The following EXOSC10 variants were observed in gnomAD, a reference collection of about 807,000 sequenced individuals.
EXOSC10 encodes exosome complex component 10.
EXOSC10 carries 94 observed loss-of-function variants against 126.6 expected under a neutral mutation model. The ratio of observed to expected loss-of-function variants is 0.74; its 90% CI spans 0.63 to 0.88. EXOSC10 has a LOEUF of 0.88. EXOSC10 is among the 40% of genes least tolerant of loss of function. The pLI is 0.00. For synonymous variants in EXOSC10, 395 were observed against 400.8 expected (o/e 0.99, Z 0.17); for missense variants, 1,041 against 1,100.5 (o/e 0.95, Z 0.77).
chr1:11,079,865 G>T, intron 13 of EXOSC10, 43 bp from the exon 14 acceptor site: 1 of 1,494,698 alleles, frequency 6.7e-7, no homozygotes, highest in Non-Finnish European at 9.2e-7. Context: ...ACTCAGAAAC[G>T]CAGCCCTTAA....
Position 11,069,662 on chromosome 1 carries a change from C to T in EXOSC10, c.2385G>A (p.Glu795=). ...TCTTGGAAATTTTGAGTCGTTTCTT[C>T]TCTTGTTTCTGTTCTGTGGTCCTTG... is the stretch of plus-strand genomic sequence containing the variant. ...SDPRTTEQKQ[E]KKRLKISKKP... is the part of the protein sequence containing the mutation. The change falls in exon 22 of 25, where the codon GAG becomes GAA. Residue 795 remains glutamate, a synonymous_variant. Coordinates refer to ENST00000376936, the MANE Select transcript of EXOSC10 (RefSeq NM_001001998.3). 6.2e-7 allele frequency: 1 copy of T among 1,604,638 alleles called. No homozygotes were observed. The highest frequency in any genetic ancestry group is 2.3e-5 in the East Asian group (1 of 44,220).
At chr1:11,068,385 G>A (rs569040191) in intron 23 of EXOSC10, 72 of 591,062 alleles carry the variant, frequency 1.2e-4, no homozygotes, top group Non-Finnish European at 6.0e-5. Flanking sequence ...CCCCAAAGGG[G>A]GTGCTTTTGG....
intron 10 of EXOSC10, among the ~76,000 whole-genome samples, 200 bp from the exon 11 acceptor site, chr1:11,081,438 G>A (rs1640162072): frequency 1.3e-5 from 2 of 152,208 alleles, no homozygotes; most frequent in Non-Finnish European, 1.5e-5. Context: ...ATTGGAGGCA[G>A]GGTAATGCGG....
In EXOSC10 at chr1:11,098,125, T is replaced by G. The variant is rs777186196; in HGVS notation, c.143A>C (p.Lys48Thr). ...FALGSVVAVT[K>T]ASGGLPQFGD... ...AAACTGTGGTAGGCCCCCAGATGCCTTGGTGACTGCCACCACGGACCCAAG... is the reference window on the plus strand; with the variant it reads ...AAACTGTGGTAGGCCCCCAGATGCCGTGGTGACTGCCACCACGGACCCAAG... Residue 48 changes from lysine to threonine, a missense_variant, in exon 2 of 25, where the codon AAG becomes ACG. Lys to Thr is a moderately conservative substitution (Grantham distance 78). Coordinates refer to ENST00000376936, the MANE Select transcript of EXOSC10 (RefSeq NM_001001998.3). 1 of 1,611,560 alleles carries G rather than the reference T, an allele frequency of 6.2e-7. No individual in the cohort carries two copies. Among genetic ancestry groups the G allele is most frequent in the Non-Finnish European group, 8.5e-7 (1 of 1,179,328 alleles).
intron 20 of EXOSC10, 87 bp downstream of exon 20, chr1:11,072,000 T>TCGC (rs1639525603): frequency 9.3e-7 from 1 of 1,080,446 alleles, no homozygotes; most frequent in African/African-American, 1.6e-5. Context: ...GCTTCATTCA[T>TCGC]CGCCGTATCT....
chr1:11,073,896 A>AG, intron 19 of EXOSC10, 38 bp downstream of exon 19: 1 of 1,399,688 alleles, frequency 7.1e-7, no homozygotes, highest in South Asian at 1.3e-5. Flanking sequence ...AAAAAAAAAA[A>AG]AAAAGTCTCT....
Position 11,095,900 on chromosome 1 carries a change from A to G in EXOSC10, c.249-19T>C, listed in dbSNP as rs1467267674. 1.9e-6 allele frequency: 3 copies of G among 1,606,898 alleles called. No individual in the cohort carries two copies. On this transcript the variant is annotated intron_variant, in intron 2 of 24. Transcript: ENST00000376936. ...GCTCATGCTAAGGAAAGGAAAACCA[A>G]GGTTAGCTTGTAGATTTTTATTTCA...
intron 21 of EXOSC10, 138 bp downstream of exon 21, chr1:11,070,762 C>A (rs1246471920): frequency 1.2e-5 from 9 of 722,048 alleles, no homozygotes; most frequent in Non-Finnish European, 1.4e-5. Context: ...ACACTAATAG[C>A]CAAGCTAAGG....
intron 20 of EXOSC10, chr1:11,071,439 GCT>G (rs1639483484): frequency 1.2e-5 from 2 of 172,030 alleles, no homozygotes; most frequent in Admixed American, 1.1e-4. Context: ...ACAGATCAAG[GCT>G]CTGACAGCTT....
chr1:11,077,024 T>C (rs1639856963), intron 16 of EXOSC10, 76 bp from the exon 17 acceptor site: 1 of 1,111,058 alleles, frequency 9.0e-7, no homozygotes, highest in South Asian at 1.3e-5. Flanking sequence ...GGAGTTTTAG[T>C]GTAGTCCCCT....
chr1:11,085,290 CTCTTT>C (rs1028164879), intron 9 of EXOSC10, among the ~76,000 whole-genome samples: 1 of 152,010 alleles, frequency 6.6e-6, no homozygotes, highest in South Asian at 2.1e-4. Flanking sequence ...TGTTTGTATC[CTCTTT>C]TATTTCATTG....
At chr1:11,091,297 A>AAT in intron 4 of EXOSC10, 118 bp from the exon 5 acceptor site, 1 of 1,077,338 alleles carries the variant, frequency 9.3e-7, no homozygotes, top group Non-Finnish European at 1.4e-6. Flanking sequence ...CATTCATTTA[A>AAT]GAATGTATGT....
intron 2 of EXOSC10, among the ~76,000 whole-genome samples, chr1:11,097,189 G>A (rs887568948): frequency 1.1e-4 from 16 of 150,824 alleles, no homozygotes; most frequent in African/African-American, 3.2e-4. Flanking sequence ...CAGCCTGGGC[G>A]ACAGAGCAAG....
In EXOSC10 at chr1:11,087,859, C is replaced by A. The variant is rs749336149; in HGVS notation, c.886G>T (p.Glu296Ter). The A allele has an allele frequency of 6.2e-7, 1 of 1,613,934 alleles. No homozygotes were observed. The highest frequency in any genetic ancestry group is 1.7e-5 in the Admixed American group (1 of 59,990). Reference protein sequence around the residue: ...TPCHFISSLDELVELNEKLLN... With the variant: ...TPCHFISSLD ...AGCTTTTCGTTGAGTTCCACGAGTT[C>A]ATCCAGGGAGGATATGAAATGGCAT... Residue 296 changes from glutamate to a stop codon, truncating the protein, a stop_gained, in exon 8 of 25, where the codon GAA (glutamate) becomes TAA (stop). Coordinates refer to ENST00000376936, the MANE Select transcript of EXOSC10 (RefSeq NM_001001998.3). LOFTEE classifies it high-confidence loss of function.
chr1:11,097,688 C>T (rs879593992), intron 2 of EXOSC10, among the ~76,000 whole-genome samples: 3 of 150,640 alleles, frequency 2.0e-5, no homozygotes, highest in Admixed American at 6.6e-5. Flanking sequence ...ATCATGCCAC[C>T]GCACTCCAGC....
chr1:11,070,884 A>G lies in EXOSC10; in HGVS notation c.2316+16T>C, dbSNP rs1252131149. The G allele has an allele frequency of 6.2e-7, 1 of 1,610,440 alleles. No homozygotes were observed. The highest frequency in any genetic ancestry group is 1.7e-5 in the Admixed American group (1 of 59,210). On this transcript the variant is annotated intron_variant, in intron 21 of 24. Coordinates refer to ENST00000376936, the MANE Select transcript of EXOSC10 (RefSeq NM_001001998.3). ...CATCGTTTTTCAAAGGAAAAAGGAG[A>G]AAAGCTGGCACATACCACGACCTGC...
At chr1:11,099,595 G>A in intron 1 of EXOSC10, 126 bp downstream of exon 1, 1 of 1,058,238 alleles carries the variant, frequency 9.4e-7, no homozygotes. Flanking sequence ...GCCCAGCGCG[G>A]ACAGGGGCCC....
intron 10 of EXOSC10, chr1:11,082,441 C>A: frequency 1.2e-6 from 1 of 860,198 alleles, no homozygotes; most frequent in Non-Finnish European, 1.6e-6. Flanking sequence ...AATACTGGTG[C>A]GGCACCTCTT....
rs763871842 is a variant in EXOSC10 at position 11,080,563 on chromosome 1, A to AAAAAAC, written c.1587-15_1587-14insGTTTTT. ...GGCAGTACATATCTGGAAAAAAAAA[A>AAAAAAC]ACACACACACACACACACACACACA... is the stretch of plus-strand genomic sequence containing the variant. On this transcript the variant is annotated splice_polypyrimidine_tract_variant and intron_variant, in intron 12 of 24. Coordinates refer to ENST00000376936, the MANE Select transcript of EXOSC10 (RefSeq NM_001001998.3). 9 of 1,423,634 alleles carry AAAAAAC rather than the reference A, an allele frequency of 6.3e-6. No individual in the cohort carries two copies. In the East Asian group the frequency reaches 1.2e-4, roughly 19 times the overall value. The allele number at this position is 1,423,634 out of a possible 1,614,324, so 88.2% of individuals were successfully genotyped here. A position where few individuals can be genotyped will look rare whatever the true frequency, so the allele number is the denominator to read the frequency against.
Sources: allele counts gnomAD v4.1 joint callset (sites outside exome capture counted in the v4.1 genomes callset), GRCh38; gene constraint gnomAD v4.1.1; transcripts MANE v1.5; gene names NCBI Gene and HGNC (gene_info 2026-07-23, HGNC 2026-07-21).